CNTN4: variants seen among roughly 807,000 people sequenced by gnomAD.
The protein encoded by CNTN4 is contactin-4.
In CNTN4, 77 loss-of-function variants were observed where a neutral mutation model predicts 122.5. The observed-to-expected ratio is 0.63, with a 90% confidence interval of 0.52 to 0.76. CNTN4 has a LOEUF of 0.76. CNTN4 is among the 30% of genes least tolerant of loss of function. The pLI is 0.00. For synonymous variants in CNTN4, 512 were observed against 447.0 expected (o/e 1.15, Z -1.83); for missense variants, 1,256 against 1,259.1 (o/e 1.00, Z 0.04).
At chr3:2,176,271 C>T (rs921258000) in intron 2 of CNTN4, among the ~76,000 whole-genome samples, 5 of 152,130 alleles carry the variant, frequency 3.3e-5, no homozygotes, top group African/African-American at 1.2e-4. Flanking sequence ...CTTTCTACCA[C>T]TGTCCCGGTA....
chr3:2,585,865 T>C (rs1183022548), intron 4 of CNTN4, among the ~76,000 whole-genome samples: 1 of 138,778 alleles, frequency 7.2e-6, no homozygotes, highest in Non-Finnish European at 1.6e-5. Flanking sequence ...AGTAACCCAA[T>C]ACAGAGGGGG....
At position 2,841,978 on chromosome 3, in the gene CNTN4, A is replaced by G. The variant is rs143748555; in HGVS notation, c.454+22397A>G. Among the ~76,000 whole-genome samples, 781 of 152,318 alleles carry G rather than the reference A, an allele frequency of 5.1e-3. 12 individuals carry two copies. The highest frequency in any genetic ancestry group is 0.018 in the African/African-American group (754 of 41,562). On this transcript the variant is annotated intron_variant, in intron 7 of 24. Coordinates refer to ENST00000418658, the MANE Select transcript of CNTN4 (RefSeq NM_175607.3). The surrounding 1 kb of genome is among the most constrained non-coding windows in gnomAD (Gnocchi z 4.8). ...AGATTGAAACCAGAAATAAATAAAT[A>G]AATGAAGCTAGCTGCCCCCATTTTT...
chr3:2,101,936 A>G (rs2032000486), intron 2 of CNTN4, among the ~76,000 whole-genome samples: 1 of 152,154 alleles, frequency 6.6e-6, no homozygotes, highest in Admixed American at 6.5e-5. Context: ...TCTGCTGTTC[A>G]TCATCTCTGA....
At chr3:2,510,867 GA>G (rs1287111437) in intron 3 of CNTN4, among the ~76,000 whole-genome samples, 1 of 152,006 alleles carries the variant, frequency 6.6e-6, no homozygotes, top group African/African-American at 2.4e-5. Flanking sequence ...TATGCAAATG[GA>G]ATCCATATCA....
intron 8 of CNTN4, among the ~76,000 whole-genome samples, chr3:2,874,720 G>A (rs1192932940): frequency 2.0e-5 from 3 of 152,168 alleles, no homozygotes; most frequent in Non-Finnish European, 4.4e-5. Flanking sequence ...CACAGCTTAA[G>A]GGTGAAGAAA....
At chr3:2,374,863 T>C (rs2045760433) in intron 3 of CNTN4, among the ~76,000 whole-genome samples, 1 of 152,144 alleles carries the variant, frequency 6.6e-6, no homozygotes, top group Admixed American at 6.6e-5. Context: ...GTGTCACTGG[T>C]TGAAATAGTG....
intron 2 of CNTN4, among the ~76,000 whole-genome samples, chr3:2,214,303 G>T (rs1158019335): frequency 1.3e-5 from 2 of 152,152 alleles, no homozygotes; most frequent in Non-Finnish European, 2.9e-5. Context: ...GCACTTCGGA[G>T]CAGTGGGGGG....
intron 2 of CNTN4, among the ~76,000 whole-genome samples, chr3:2,328,180 C>G (rs1057083843): frequency 1.3e-5 from 2 of 152,056 alleles, no homozygotes; most frequent in Non-Finnish European, 1.5e-5. Flanking sequence ...CCGAGGCGGG[C>G]GGATCACGGG....
chr3:2,876,989 A>G (rs1409665335), intron 8 of CNTN4, among the ~76,000 whole-genome samples: 1 of 152,236 alleles, frequency 6.6e-6, no homozygotes, highest in East Asian at 1.9e-4. Flanking sequence ...TTGCAAATTC[A>G]TAGGCTGCAT....
At chr3:2,257,988 G>A (rs911822222) in intron 2 of CNTN4, among the ~76,000 whole-genome samples, 5 of 152,216 alleles carry the variant, frequency 3.3e-5, no homozygotes, top group Admixed American at 6.5e-5. Flanking sequence ...ACTTCAACCC[G>A]GGAGGTGGAA....
At chr3:2,489,197 T>C (rs2076246277) in intron 3 of CNTN4, among the ~76,000 whole-genome samples, 1 of 152,210 alleles carries the variant, frequency 6.6e-6, no homozygotes, top group Non-Finnish European at 1.5e-5. Flanking sequence ...AAGAAACTTG[T>C]TGAAAATTAT....
intron 13 of CNTN4, among the ~76,000 whole-genome samples, chr3:2,964,658 C>A (rs1467213379): frequency 2.0e-5 from 3 of 152,142 alleles, no homozygotes; most frequent in South Asian, 2.1e-4. Flanking sequence ...AACTAGATAA[C>A]CCTGGATAAT....
intron 3 of CNTN4, among the ~76,000 whole-genome samples, chr3:2,464,597 G>A (rs766319266): frequency 1.1e-4 from 16 of 152,134 alleles, no homozygotes; most frequent in Non-Finnish European, 1.8e-4. Context: ...GATCACAATC[G>A]CCTGGGGACG....
intron 7 of CNTN4, among the ~76,000 whole-genome samples, chr3:2,830,268 G>T (rs1222997127): frequency 6.6e-6 from 1 of 152,118 alleles, no homozygotes; most frequent in Admixed American, 6.5e-5. Flanking sequence ...TTCAAGTTGA[G>T]TACATCTCTA....
chr3:2,239,721 A>G (rs1313898651), intron 2 of CNTN4, among the ~76,000 whole-genome samples: 1 of 152,230 alleles, frequency 6.6e-6, no homozygotes, highest in East Asian at 1.9e-4. Flanking sequence ...TTAAGAAGTT[A>G]CAGGGACCAA....
chr3:2,677,868 G>T (rs1444672240), intron 4 of CNTN4, among the ~76,000 whole-genome samples: 2 of 152,082 alleles, frequency 1.3e-5, no homozygotes, highest in African/African-American at 4.8e-5. Context: ...GGTACAATTT[G>T]CAATAAACAC....
intron 2 of CNTN4, among the ~76,000 whole-genome samples, chr3:2,329,510 T>C (rs1251474489): frequency 6.6e-6 from 1 of 150,454 alleles, no homozygotes; most frequent in African/African-American, 2.4e-5. Context: ...TTTTCAAAAA[T>C]ATATCCCTGT....
At chr3:2,342,468 T>A (rs2044244544) in intron 3 of CNTN4, among the ~76,000 whole-genome samples, 1 of 152,198 alleles carries the variant, frequency 6.6e-6, no homozygotes, top group South Asian at 2.1e-4. Context: ...ATATATTATA[T>A]GATTCCATGT....
intron 2 of CNTN4, among the ~76,000 whole-genome samples, chr3:2,197,787 A>T (rs565699318): frequency 6.6e-6 from 1 of 152,262 alleles, no homozygotes; most frequent in Non-Finnish European, 1.5e-5. Flanking sequence ...AGGCTGAGGC[A>T]GTTGGATCAC....
Sources: gnomAD v4.1 joint callset for allele counts (sites outside exome capture counted in the v4.1 genomes callset) on GRCh38, gnomAD v4.1.1 for gene constraint, Gnocchi (gnomAD v3.1) non-coding constraint, MANE v1.5 for transcripts, NCBI Gene and HGNC (gene_info 2026-07-23, HGNC 2026-07-21) for gene names.